Variants in CPM observed in about 807,000 individuals in gnomAD.
The protein encoded by CPM is renal carboxypeptidase.
In CPM, 35 loss-of-function variants were observed where a neutral mutation model predicts 46.4. That is an observed-to-expected ratio of 0.75 (90% CI 0.58 to 1.00). The LOEUF is 1.00. Ranked by LOEUF, CPM falls within the 50% of genes least tolerant of loss-of-function variation. CPM has a pLI of 0.00. For synonymous variants in CPM, 195 were observed against 195.3 expected (o/e 1.00, Z 0.01); for missense variants, 422 against 530.4 (o/e 0.80, Z 2.01).
chr12:68,865,428 G>C (rs1885392542), intron 7 of CPM, among the ~76,000 whole-genome samples: 1 of 152,170 alleles, frequency 6.6e-6, no homozygotes, highest in South Asian at 2.1e-4. Flanking sequence ...CCCTTTTAGG[G>C]ATGTGTGCCG....
At chr12:68,948,431 A>G (rs912605510) in intron 1 of CPM, among the ~76,000 whole-genome samples, 4 of 152,088 alleles carry the variant, frequency 2.6e-5, no homozygotes, top group African/African-American at 7.2e-5. Context: ...AATAAAACCA[A>G]TGCATTATTG....
At chr12:68,932,198 A>G (rs368257690) in intron 2 of CPM, among the ~76,000 whole-genome samples, 3 of 152,244 alleles carry the variant, frequency 2.0e-5, no homozygotes, top group African/African-American at 7.2e-5. Context: ...GTTTTGCATA[A>G]CTTTAAATAA....
chr12:68,871,890 C>A lies in CPM; in HGVS notation c.325G>T (p.Glu109Ter). 1 of 1,614,144 alleles carries A rather than the reference C, an allele frequency of 6.2e-7. No homozygotes were observed. The highest frequency in any genetic ancestry group is 8.5e-7 in the Non-Finnish European group (1 of 1,180,040). ...YLVTSDGKDP[E>*]ITNLINSTRI... ...GTACTATTGATCAGATTTGTGATTT[C>A]AGGGTCTTTGCCATCACTGGTTACG... Residue 109 changes from glutamate to a stop codon, truncating the protein, a stop_gained, in exon 4 of 9, where the codon GAA becomes TAA. Transcript: ENST00000551568. LOFTEE classifies it high-confidence loss of function.
At chr12:68,878,259 T>C (rs1160226507) in intron 3 of CPM, among the ~76,000 whole-genome samples, 1 of 152,222 alleles carries the variant, frequency 6.6e-6, no homozygotes, top group African/African-American at 2.4e-5. Flanking sequence ...ACATAGTTCA[T>C]AGTTTAACTT....
At chr12:68,927,939 T>C (rs1450482004) in intron 2 of CPM, among the ~76,000 whole-genome samples, 1 of 152,096 alleles carries the variant, frequency 6.6e-6, no homozygotes, top group Non-Finnish European at 1.5e-5. Flanking sequence ...AAAATGGCCA[T>C]ACTGCCCAAG....
intron 1 of CPM, among the ~76,000 whole-genome samples, chr12:68,945,163 C>T (rs746523063): frequency 6.6e-6 from 1 of 152,128 alleles, no homozygotes; most frequent in Non-Finnish European, 1.5e-5. Context: ...GAATTCAGGT[C>T]CCTCCAATAA....
chr12:68,890,618 A>G (rs943290714), intron 2 of CPM, among the ~76,000 whole-genome samples: 3 of 152,216 alleles, frequency 2.0e-5, no homozygotes, highest in Non-Finnish European at 4.4e-5. Context: ...GCCAAAGCCA[A>G]CCCCACTCTG....
chr12:68,917,579 C>T (rs995184378), intron 2 of CPM, among the ~76,000 whole-genome samples: 3 of 152,206 alleles, frequency 2.0e-5, no homozygotes, highest in African/African-American at 7.2e-5. Flanking sequence ...TCTTGCTTGT[C>T]TTTGGGAACA....
In CPM at chr12:68,854,753, G is replaced by C. The variant is rs1884882675; in HGVS notation, c.*1684C>G. The C allele has an allele frequency of 6.6e-6, 1 of 152,430 alleles. No individual in the cohort carries two copies. Among genetic ancestry groups the C allele is most frequent in the South Asian group, 2.1e-4 (1 of 4,836 alleles). 9.4% of individuals were successfully genotyped at this position (152,430 alleles called of 1,614,324 possible). A position where few individuals can be genotyped will look rare whatever the true frequency, so the allele number is the denominator to read the frequency against. On this transcript the variant is annotated 3_prime_UTR_variant, in exon 9 of 9. Transcript: ENST00000551568. Reference sequence around the variant, plus strand: ...CTGAAGAGGAGAAGGCTGGGAGCAAGGGACCAGTAAGCTGTTGCAGCAGTG... The same window carrying C: ...CTGAAGAGGAGAAGGCTGGGAGCAACGGACCAGTAAGCTGTTGCAGCAGTG...
intron 2 of CPM, among the ~76,000 whole-genome samples, chr12:68,890,113 A>G (rs1886593973): frequency 6.6e-6 from 1 of 152,052 alleles, no homozygotes; most frequent in Admixed American, 6.6e-5. Flanking sequence ...TCCAACCAAT[A>G]CAAGAACCTT....
chr12:68,880,881 C>G (rs1886160285), intron 3 of CPM, among the ~76,000 whole-genome samples: 1 of 152,160 alleles, frequency 6.6e-6, no homozygotes, highest in African/African-American at 2.4e-5. Context: ...CATAGTGAGC[C>G]TGTGCCATAG....
downstream of CPM, chr12:68,848,149 T>C (rs1440176534): frequency 1.3e-5 from 2 of 152,218 alleles, no homozygotes; most frequent in Non-Finnish European, 2.9e-5. Context: ...AAAATAACAG[T>C]ATGTTCATTA....
At chr12:68,923,927 G>C (rs1342625946) in intron 2 of CPM, among the ~76,000 whole-genome samples, 2 of 151,890 alleles carry the variant, frequency 1.3e-5, no homozygotes, top group African/African-American at 4.9e-5. Flanking sequence ...AAAACTGTTG[G>C]GGGGAAATAT....
chr12:68,959,258 G>T (rs1380162596), intron 1 of CPM, among the ~76,000 whole-genome samples: 2 of 152,184 alleles, frequency 1.3e-5, no homozygotes, highest in Admixed American at 6.5e-5. Context: ...TTAAATGAAT[G>T]AATGAATATC....
intron 7 of CPM, among the ~76,000 whole-genome samples, chr12:68,863,584 A>C (rs1316794206): frequency 1.3e-5 from 2 of 152,300 alleles, no homozygotes; most frequent in Middle Eastern, 3.4e-3. Context: ...GGTGGGAGGC[A>C]AGGCTGATGC....
intron 1 of CPM, among the ~76,000 whole-genome samples, chr12:68,938,956 TATAC>T (rs1163048850): frequency 1.4e-5 from 2 of 148,028 alleles, no homozygotes; most frequent in Non-Finnish European, 3.0e-5. Flanking sequence ...TATATCTAAA[TATAC>T]ATAGTACATA....
At position 68,932,958 on chromosome 12, in the gene CPM, CT is replaced by C. The variant is rs1007244125; in HGVS notation, c.-3-119del. 6 of 889,844 alleles carry C rather than the reference CT, an allele frequency of 6.7e-6. No homozygotes were observed. In the African/African-American group the frequency reaches 1.0e-4, roughly 15 times the overall value. 55.1% of individuals were successfully genotyped at this position (889,844 alleles called of 1,614,324 possible). ...TCCCGACACTGACGCTCCCTGCCTC[CT>C]AAGGAGGCAAAAGCTGGAAGCAACA... On this transcript the variant is annotated intron_variant, in intron 1 of 8. Transcript: ENST00000551568.
Position 68,911,916 on chromosome 12 carries a change from T to C in CPM, c.160+20762A>G, listed in dbSNP as rs538624699. ...GTTCTCAACCATTATTAAACAGTCT[T>C]ATTATAGTGTTACAGCTCTTTTAAA... is the stretch of plus-strand genomic sequence containing the variant. On this transcript the variant is annotated intron_variant, in intron 2 of 8. Coordinates refer to ENST00000551568, the MANE Select transcript of CPM (RefSeq NM_198320.5). 2.6e-5 allele frequency: 4 copies of C among 152,320 alleles called. No homozygotes were observed. In the South Asian group the frequency reaches 8.3e-4, roughly 32 times the overall value. The allele number at this position is 152,320 out of a possible 1,614,324, so 9.4% of individuals were successfully genotyped here. A position where few individuals can be genotyped will look rare whatever the true frequency, so the allele number is the denominator to read the frequency against.
intron 2 of CPM, among the ~76,000 whole-genome samples, chr12:68,916,105 C>T (rs1452594745): frequency 6.6e-6 from 1 of 152,170 alleles, no homozygotes; most frequent in Non-Finnish European, 1.5e-5. Flanking sequence ...ACAGCTGTTA[C>T]ATACTGCCTC....
Sources: allele counts gnomAD v4.1 joint callset (sites outside exome capture counted in the v4.1 genomes callset), GRCh38; gene constraint gnomAD v4.1.1; transcripts MANE v1.5; gene names NCBI Gene and HGNC (gene_info 2026-07-23, HGNC 2026-07-21).